The following MCM10 variants were observed in gnomAD, a reference collection of about 807,000 sequenced individuals.
MCM10 encodes minichromosome maintenance 10 replication initiation factor.
MCM10 carries 91 observed loss-of-function variants against 109.9 expected under a neutral mutation model. The ratio of observed to expected loss-of-function variants is 0.83; its 90% CI spans 0.70 to 0.99. The LOEUF (loss-of-function observed/expected upper bound fraction) is 0.99. Ranked by LOEUF, MCM10 falls within the 50% of genes least tolerant of loss-of-function variation. The pLI is 0.00. For synonymous variants in MCM10, 380 were observed against 387.2 expected, an observed-to-expected ratio of 0.98 and a Z score of 0.22; for missense variants, 1,077 against 1,061.2, an observed-to-expected ratio of 1.01 and a Z score of -0.21.
At chr10:13,188,164 G>A (rs985837065) in intron 9 of MCM10, among the ~76,000 whole-genome samples, 2 of 151,866 alleles carry the variant, frequency 1.3e-5, no homozygotes, top group Non-Finnish European at 2.9e-5. Context: ...ATCCATTGTC[G>A]CCGTAACTAC....
intron 7 of MCM10, among the ~76,000 whole-genome samples, 178 bp downstream of exon 7, chr10:13,180,785 A>G (rs994528788): frequency 2.0e-5 from 3 of 152,176 alleles, no homozygotes; most frequent in Admixed American, 2.0e-4. Flanking sequence ...AGGATGCCCT[A>G]TTTAAATAAG....
At chr10:13,173,303 G>C (rs1286073844) in intron 5 of MCM10, among the ~76,000 whole-genome samples, 1 of 152,056 alleles carries the variant, frequency 6.6e-6, no homozygotes, top group African/African-American at 2.4e-5. Flanking sequence ...CTGGACTGTA[G>C]TAAGTAAAGC....
intron 11 of MCM10, among the ~76,000 whole-genome samples, 168 bp downstream of exon 11, chr10:13,191,567 C>T (rs200051285): frequency 1.2e-5 from 1 of 81,004 alleles, no homozygotes; most frequent in Non-Finnish European, 3.1e-5. Context: ...AATAAATAAG[C>T]AAGCAAGCAA....
At chr10:13,202,338 C>T (rs1834511173) in intron 17 of MCM10, among the ~76,000 whole-genome samples, 1 of 152,142 alleles carries the variant, frequency 6.6e-6, no homozygotes, top group Admixed American at 6.5e-5. Context: ...GCCTGGGCAA[C>T]ACAGCGAGAT....
Position 13,192,316 on chromosome 10 carries a change from G to C in MCM10, c.1578G>C (p.Thr526=), listed in dbSNP as rs148826951. 2.5e-6 allele frequency: 4 copies of C among 1,614,044 alleles called. No individual in the cohort carries two copies. The highest frequency in any genetic ancestry group is 1.7e-5 in the Admixed American group (1 of 59,996). ...TCAAGGAACTGATGGACCTGCCGAC[G>C]TGTGGAGCCAGGAACTTAAAACAAC... ...EEFKELMDLP[T]CGARNLKQHL... The change falls in exon 12 of 20, where the codon ACG becomes ACC. Residue 526 remains threonine, a synonymous_variant. Coordinates refer to ENST00000378714, the MANE Select transcript of MCM10 (RefSeq NM_018518.5).
chr10:13,205,869 T>C lies in MCM10; in HGVS notation c.2498+1505T>C, dbSNP rs750998437. ...TTTTACTTTTGGGGGCAACATCAGA[T>C]ACGGAGGCAGAGCTGCCGTGTTTGA... On this transcript the variant is annotated intron_variant, in intron 18 of 19. Coordinates refer to ENST00000378714, the MANE Select transcript of MCM10 (RefSeq NM_018518.5). Among the ~76,000 whole-genome samples, 100 of 152,198 alleles carry C rather than the reference T, an allele frequency of 6.6e-4. 4 individuals carry two copies. Among genetic ancestry groups the C allele is most frequent in the Non-Finnish European group, 3.1e-4 (21 of 68,038 alleles).
chr10:13,195,493 A>G (rs1283777320), intron 14 of MCM10: 1 of 401,806 alleles, frequency 2.5e-6, no homozygotes, highest in Admixed American at 4.3e-5. Context: ...ATAGTGTTTT[A>G]TAACCAGAGG....
At chr10:13,193,984 T>C (rs1361523211) in intron 13 of MCM10, among the ~76,000 whole-genome samples, 1 of 152,078 alleles carries the variant, frequency 6.6e-6, no homozygotes, top group Non-Finnish European at 1.5e-5. Flanking sequence ...CCCTTGTGAG[T>C]AATGTGATCC....
chr10:13,207,234 T>C (rs1176878380), intron 18 of MCM10, among the ~76,000 whole-genome samples: 2 of 152,212 alleles, frequency 1.3e-5, no homozygotes, highest in East Asian at 1.9e-4. Context: ...AAAGCAACCA[T>C]AGATAATACA....
chr10:13,171,169 A>G lies in MCM10; in HGVS notation c.255A>G (p.Thr85=). 2 of 1,614,234 alleles carry G rather than the reference A, an allele frequency of 1.2e-6. No homozygotes were observed. Among genetic ancestry groups the G allele is most frequent in the Non-Finnish European group, 1.7e-6 (2 of 1,180,040 alleles). The change falls in exon 3 of 20, where the codon ACA becomes ACG. Residue 85 remains threonine (T), a synonymous_variant. Coordinates refer to ENST00000378714, the MANE Select transcript of MCM10 (RefSeq NM_018518.5). The part of the protein sequence containing the change: ...ATLFGDMEDL[T]DEEEVPASQS... ...TCTTTGGAGATATGGAGGACTTAACAGATGAAGAAGAAGTTCCCGCATCAC... is the reference window on the plus strand; with the variant it reads ...TCTTTGGAGATATGGAGGACTTAACGGATGAAGAAGAAGTTCCCGCATCAC...
chr10:13,166,661 C>CATATATATATAT (rs60500036), intron 2 of MCM10, among the ~76,000 whole-genome samples: 45 of 89,658 alleles, frequency 5.0e-4, no homozygotes, highest in African/African-American at 1.3e-3. Flanking sequence ...TACATACATA[C>CATATATATATAT]ATATATATAT....
chr10:13,201,593 G>T, intron 17 of MCM10, 59 bp downstream of exon 17: 4 of 1,229,496 alleles, frequency 3.3e-6, no homozygotes, highest in South Asian at 1.3e-5. Context: ...TTTGTGACTC[G>T]GCAGCATGTG....
chr10:13,170,430 A>G (rs143505454), intron 2 of MCM10, among the ~76,000 whole-genome samples: 4 of 152,108 alleles, frequency 2.6e-5, no homozygotes, highest in African/African-American at 4.8e-5. Context: ...GCCTAAATCT[A>G]TGTTTGGTGT....
At chr10:13,201,796 T>C (rs1834503880) in intron 17 of MCM10, 2 of 419,332 alleles carry the variant, frequency 4.8e-6, no homozygotes, top group Non-Finnish European at 8.7e-6. Flanking sequence ...CTAACATCTC[T>C]TGCCCTGGAC....
chr10:13,203,110 G>T (rs1295165594), intron 17 of MCM10, among the ~76,000 whole-genome samples: 1 of 152,092 alleles, frequency 6.6e-6, no homozygotes, highest in Non-Finnish European at 1.5e-5. Context: ...CTCCCAAAGC[G>T]CTGGGATTAC....
rs1476438076 is a variant in MCM10 at position 13,173,710 on chromosome 10, A to T, written c.592+945A>T. Reference sequence around the variant, plus strand: ...GTTCACATTAATCTGACAGCAAGTTATATATTCAGATATCCATTCAGGAGT... The same window carrying T: ...GTTCACATTAATCTGACAGCAAGTTTTATATTCAGATATCCATTCAGGAGT... On this transcript the variant is annotated intron_variant, in intron 5 of 19. Transcript: ENST00000378714. 3.3e-5 allele frequency among the ~76,000 whole-genome samples: 5 copies of T among 152,282 alleles called. No individual in the cohort carries two copies. In the South Asian group the frequency reaches 8.3e-4, roughly 25 times the overall value.
rs544081631 is a variant in MCM10, at chr10:13,176,561, A to G, written c.764+880A>G. ...AAACTGCTAAGCTCTTAAAGTATATATTATTAGCAGAGGAGAACAAGTGTT... is the reference window on the plus strand; with the variant it reads ...AAACTGCTAAGCTCTTAAAGTATATGTTATTAGCAGAGGAGAACAAGTGTT... On this transcript the variant is annotated intron_variant, in intron 6 of 19. Coordinates refer to ENST00000378714, the MANE Select transcript of MCM10 (RefSeq NM_018518.5). Among the ~76,000 whole-genome samples the G allele has an allele frequency of 1.2e-4, 18 of 152,304 alleles. No homozygotes were observed. In the East Asian group the frequency reaches 3.1e-3, roughly 26 times the overall value.
In MCM10 at chr10:13,191,508, A is replaced by G. The variant is rs6602642; in HGVS notation, c.1516+109A>G. The G allele has an allele frequency of 1.9e-5, 15 of 774,406 alleles. No homozygotes were observed. The African/African-American group carries it at 2.6e-4, about 13-fold the overall frequency. 48.0% of individuals were successfully genotyped at this position (774,406 alleles called of 1,614,324 possible). A position where few individuals can be genotyped will look rare whatever the true frequency, so the allele number is the denominator to read the frequency against. Reference sequence around the variant, plus strand: ...GGTACACTGCTCCGGTGATGGGTACACCAAAATCTCAGAAATCACCACTAA... The same window carrying G: ...GGTACACTGCTCCGGTGATGGGTACGCCAAAATCTCAGAAATCACCACTAA... On this transcript the variant is annotated intron_variant, in intron 11 of 19. Coordinates refer to ENST00000378714, the MANE Select transcript of MCM10 (RefSeq NM_018518.5).
At chr10:13,184,146 C>G (rs929268012) in intron 8 of MCM10, among the ~76,000 whole-genome samples, 3 of 152,110 alleles carry the variant, frequency 2.0e-5, no homozygotes, top group African/African-American at 7.2e-5. Context: ...CCATGAGCCA[C>G]CACGCCCAGC....
Sources: gnomAD v4.1 joint callset for allele counts (sites outside exome capture counted in the v4.1 genomes callset) on GRCh38, gnomAD v4.1.1 for gene constraint, MANE v1.5 for transcripts, NCBI Gene and HGNC (gene_info 2026-07-23, HGNC 2026-07-21) for gene names.